SOX5: variants seen among roughly 807,000 people sequenced by gnomAD.
The protein encoded by SOX5 is transcription factor SOX-5.
Under a neutral mutation model 92.0 loss-of-function variants are expected in SOX5, and 9 were observed. That is an observed-to-expected ratio of 0.10 (90% CI 0.06 to 0.17). SOX5 has a LOEUF of 0.17. Among genes scored for constraint, SOX5 ranks in the 10% least tolerant of loss-of-function variants. The probability of loss-of-function intolerance (pLI) is 1.00; values close to 1 mark genes in which losing one functional copy is unlikely to be tolerated. For synonymous variants in SOX5, 344 were observed against 336.3 expected (o/e 1.02, Z -0.25); for missense variants, 642 against 944.5 (o/e 0.68, Z 4.20).
chr12:24,049,999 C>T (rs758683811), intron 4 of SOX5, among the ~76,000 whole-genome samples: 32 of 149,306 alleles, frequency 2.1e-4, no homozygotes, highest in African/African-American at 4.5e-4. Flanking sequence ...ACTGCTGGGA[C>T]GCCTGCCAGA....
At chr12:24,506,508 A>C (rs1010791404) in intron 1 of SOX5, among the ~76,000 whole-genome samples, 20 of 151,930 alleles carry the variant, frequency 1.3e-4, no homozygotes, top group Admixed American at 6.6e-5. Flanking sequence ...GCATTGCTTT[A>C]GGTCCAATCA....
chr12:23,923,293 A>AAATGAATGAATG (rs142332141), intron 1 of SOX5, among the ~76,000 whole-genome samples: 17,680 of 149,014 alleles, frequency 0.12, 1,203 homozygotes, highest in East Asian at 0.28. Flanking sequence ...ACCCAAAAAT[A>AAATGAATGAATG]AATGAATGAA....
intron 6 of SOX5, among the ~76,000 whole-genome samples, chr12:23,715,528 A>G (rs1453709168): frequency 6.6e-6 from 1 of 152,118 alleles, no homozygotes; most frequent in Non-Finnish European, 1.5e-5. Flanking sequence ...TTCATACAGA[A>G]ATTATATACT....
intron 1 of SOX5, among the ~76,000 whole-genome samples, chr12:24,369,077 G>A (rs886948432): frequency 6.6e-6 from 1 of 152,138 alleles, no homozygotes; most frequent in Non-Finnish European, 1.5e-5. Flanking sequence ...TTGTTCAAAG[G>A]TTTAAAGGAG....
chr12:24,393,525 A>G lies in SOX5; in HGVS notation c.-250-24886T>C, dbSNP rs1959182929. On this transcript the variant is annotated intron_variant, in intron 1 of 4. Coordinates refer to the SOX5 transcript ENST00000446891. The surrounding 1 kb of genome is among the most constrained non-coding windows in gnomAD (Gnocchi z 5.0). ...AATAAGTAGGTATCTGAATAATGAG[A>G]TCTGTAAAATTGATTCTTGCATTAG... Among the ~76,000 whole-genome samples, 1 of 152,224 alleles carries G rather than the reference A, an allele frequency of 6.6e-6. No individual in the cohort carries two copies. The highest frequency in any genetic ancestry group is 6.5e-5 in the Admixed American group (1 of 15,276).
chr12:23,670,847 C>A (rs2084662830), intron 6 of SOX5, among the ~76,000 whole-genome samples: 2 of 151,956 alleles, frequency 1.3e-5, no homozygotes. Context: ...GATGCCAAGA[C>A]CTTAGGTGAG....
intron 1 of SOX5, among the ~76,000 whole-genome samples, chr12:24,561,189 C>A (rs1954304691): frequency 6.6e-6 from 1 of 152,226 alleles, no homozygotes; most frequent in African/African-American, 2.4e-5. Flanking sequence ...TTGACTGCCA[C>A]CCAGAGTGCC....
chr12:24,297,287 C>G (rs193045948), intron 2 of SOX5, among the ~76,000 whole-genome samples: 2 of 152,348 alleles, frequency 1.3e-5, no homozygotes, highest in Non-Finnish European at 2.9e-5. Flanking sequence ...TTTAAAATCA[C>G]TGGTTCTTTC....
chr12:24,478,624 A>G (rs769174938), intron 1 of SOX5, among the ~76,000 whole-genome samples: 4 of 152,190 alleles, frequency 2.6e-5, no homozygotes, highest in Admixed American at 6.5e-5. Flanking sequence ...TTATGGTGCT[A>G]CAGTAGCATC....
intron 1 of SOX5, among the ~76,000 whole-genome samples, chr12:23,911,759 G>C (rs987891252): frequency 3.9e-5 from 6 of 151,988 alleles, no homozygotes; most frequent in Admixed American, 1.3e-4. Context: ...GACTGTTCTA[G>C]GTGCTTTCCA....
intron 11 of SOX5, among the ~76,000 whole-genome samples, chr12:23,547,813 G>A (rs143749614): frequency 2.3e-3 from 346 of 152,104 alleles, no homozygotes; most frequent in African/African-American, 6.8e-3. Flanking sequence ...AATAAGTTAC[G>A]CATTTAAAAC....
chr12:24,515,016 C>T (rs1949655263), intron 1 of SOX5, among the ~76,000 whole-genome samples: 1 of 152,122 alleles, frequency 6.6e-6, no homozygotes, highest in Non-Finnish European at 1.5e-5. Flanking sequence ...ACCTACGTAA[C>T]AAGCCTGCAC....
intron 1 of SOX5, among the ~76,000 whole-genome samples, chr12:24,540,301 A>C (rs1182490934): frequency 7.2e-6 from 1 of 139,068 alleles, no homozygotes; most frequent in East Asian, 1.9e-4. Context: ...CGTTGTAAAA[A>C]CTAATGCAAG....
At chr12:23,567,276 G>C (rs1280053838) in intron 10 of SOX5, among the ~76,000 whole-genome samples, 3 of 152,110 alleles carry the variant, frequency 2.0e-5, no homozygotes, top group Non-Finnish European at 4.4e-5. Context: ...GTCAGGATCA[G>C]ATGGGAGGGC....
chr12:24,456,534 A>T (rs929082642), intron 1 of SOX5, among the ~76,000 whole-genome samples: 19 of 152,182 alleles, frequency 1.2e-4, no homozygotes, highest in African/African-American at 4.6e-4. Context: ...CTATGCCAGG[A>T]TCTTCACATG....
chr12:23,753,222 A>T (rs1330204954), intron 4 of SOX5, among the ~76,000 whole-genome samples: 1 of 151,804 alleles, frequency 6.6e-6, no homozygotes, highest in East Asian at 1.9e-4. Flanking sequence ...CCAAGCTATG[A>T]TTGTAATATT....
chr12:24,160,172 GGTTA>G (rs1410137032), intron 4 of SOX5, among the ~76,000 whole-genome samples: 3 of 151,908 alleles, frequency 2.0e-5, no homozygotes, highest in African/African-American at 2.4e-5. Flanking sequence ...TCTAGAAAGA[GGTTA>G]GTAAGTTTTA....
intron 1 of SOX5, among the ~76,000 whole-genome samples, chr12:23,911,395 A>G (rs552785348): frequency 6.6e-6 from 1 of 152,190 alleles, no homozygotes; most frequent in South Asian, 2.1e-4. Context: ...TTTCAATTTC[A>G]ATATATTTCC....
intron 1 of SOX5, among the ~76,000 whole-genome samples, chr12:24,411,833 G>C (rs1003793350): frequency 2.0e-5 from 3 of 151,978 alleles, no homozygotes; most frequent in African/African-American, 7.2e-5. Flanking sequence ...ATGGCTTTCT[G>C]GGGGAGATTG....
Sources: gnomAD v4.1 joint callset for allele counts (sites outside exome capture counted in the v4.1 genomes callset) on GRCh38, gnomAD v4.1.1 for gene constraint, Gnocchi (gnomAD v3.1) non-coding constraint, MANE v1.5 for transcripts, NCBI Gene and HGNC (gene_info 2026-07-23, HGNC 2026-07-21) for gene names.